DEAF1: variants seen among roughly 807,000 people sequenced by gnomAD.
DEAF1 encodes deformed epidermal autoregulatory factor 1 homolog.
DEAF1 carries 53 observed loss-of-function variants against 58.9 expected under a neutral mutation model. The ratio of observed to expected loss-of-function variants is 0.90; its 90% CI spans 0.72 to 1.13. DEAF1 has a LOEUF of 1.13. Ranked by LOEUF, DEAF1 falls within the 50% of genes most tolerant of loss-of-function variation. The probability of loss-of-function intolerance (pLI) is 0.00; values close to 1 mark genes in which losing one functional copy is unlikely to be tolerated. For synonymous variants in DEAF1, 385 were observed against 340.4 expected, an observed-to-expected ratio of 1.13 and a Z score of -1.44; for missense variants, 685 against 791.4, an observed-to-expected ratio of 0.87 and a Z score of 1.61.
chr11:703,585 C>A (rs1294795953), intron 1 of DEAF1: 11 of 1,233,280 alleles, frequency 8.9e-6, no homozygotes, highest in African/African-American at 6.2e-5. Context: ...TCTGAGATCC[C>A]AGTTTACTCC....
upstream of DEAF1, chr11:695,471 C>G (rs1861084338): frequency 1.6e-6 from 1 of 633,526 alleles, no homozygotes. Flanking sequence ...CGGCTCTAGG[C>G]AGATTCTCGC....
At chr11:678,650 C>G in intron 9 of DEAF1, 44 bp downstream of exon 9, 1 of 1,613,066 alleles carries the variant, frequency 6.2e-7, no homozygotes, top group Middle Eastern at 1.7e-4. Flanking sequence ...GGAAGCAATT[C>G]TGAGGACAAT....
intron 2 of DEAF1, 120 bp downstream of exon 2, chr11:691,381 T>TC (rs923507515): frequency 3.6e-5 from 33 of 919,136 alleles, no homozygotes; most frequent in Admixed American, 1.0e-4. Flanking sequence ...AGTGCGTCCC[T>TC]CCCCAGCTCA....
At chr11:669,251 C>T (rs993364473) in intron 10 of DEAF1, among the ~76,000 whole-genome samples, 1 of 151,446 alleles carries the variant, frequency 6.6e-6, no homozygotes, top group African/African-American at 2.4e-5. Context: ...CATGCCTGGC[C>T]GAAATAAATC....
intron 1 of DEAF1, chr11:703,522 AT>A (rs1163813056): frequency 1.6e-6 from 2 of 1,236,476 alleles, no homozygotes; most frequent in African/African-American, 3.1e-5. Context: ...CAGAGGCCTC[AT>A]CTCACTGCAT....
At chr11:683,803 C>A (rs1219440004) in intron 6 of DEAF1, among the ~76,000 whole-genome samples, 2 of 152,156 alleles carry the variant, frequency 1.3e-5, no homozygotes, top group African/African-American at 4.8e-5. Context: ...CTCTCTTCAG[C>A]ATTTTCTTTA....
chr11:682,206 C>G (rs983379128), intron 6 of DEAF1, among the ~76,000 whole-genome samples: 1 of 152,144 alleles, frequency 6.6e-6, no homozygotes, highest in African/African-American at 2.4e-5. Context: ...TTGGTGTAGT[C>G]AAGTGTCAGA....
At chr11:659,784 G>C (rs2133312992) in intron 10 of DEAF1, among the ~76,000 whole-genome samples, 1 of 152,354 alleles carries the variant, frequency 6.6e-6, no homozygotes, top group African/African-American at 2.4e-5. Context: ...TAATTCCACA[G>C]GCCCGGCCTC....
rs199996011 is a variant in DEAF1 at position 702,962 on chromosome 11, A to C, written c.-438+3610T>G. The C allele has an allele frequency of 5.8e-4, 927 of 1,609,298 alleles. 7 individuals are homozygous for C. Among genetic ancestry groups the C allele is most frequent in the Non-Finnish European group, 1.2e-4 (142 of 1,178,628 alleles). ...TTCTCCAGGCACCAGGGGCAACCTG[A>C]CAGAGGCTGAGAGGCCGCTGGCCGC... On this transcript the variant is annotated intron_variant, in intron 1 of 11. Coordinates refer to the DEAF1 transcript ENST00000683307.
chr11:653,947 G>A lies in DEAF1; in HGVS notation c.1593+15C>T, dbSNP rs200811344. On this transcript the variant is annotated intron_variant, in intron 11 of 11. Coordinates refer to ENST00000382409, the MANE Select transcript of DEAF1 (RefSeq NM_021008.4). ...AGGAGGCGGGGGCACTGAGCCTGGT[G>A]TAGGTGAGACCTACCTTGCGTTGGC... is the stretch of plus-strand genomic sequence containing the variant. The A allele has an allele frequency of 3.7e-6, 6 of 1,612,898 alleles. No individual in the cohort carries two copies. Among genetic ancestry groups the A allele is most frequent in the East Asian group, 2.2e-5 (1 of 44,878 alleles).
At chr11:672,540 A>C (rs1482867741) in intron 10 of DEAF1, among the ~76,000 whole-genome samples, 4 of 152,208 alleles carry the variant, frequency 2.6e-5, no homozygotes, top group Non-Finnish European at 5.9e-5. Flanking sequence ...AATGACAGAA[A>C]AATTTAAAAA....
At chr11:702,869 C>G in intron 1 of DEAF1, 1 of 1,422,920 alleles carries the variant, frequency 7.0e-7, no homozygotes. Context: ...TCCCAGCAGC[C>G]CTCCAGGCAC....
intron 10 of DEAF1, among the ~76,000 whole-genome samples, chr11:668,684 T>C (rs1589991170): frequency 6.6e-6 from 1 of 152,252 alleles, no homozygotes; most frequent in East Asian, 1.9e-4. Context: ...TAGCCAAGCA[T>C]GGTGGCACAT....
intron 2 of DEAF1, among the ~76,000 whole-genome samples, chr11:690,140 A>G (rs866781147): frequency 1.4e-5 from 2 of 141,822 alleles, no homozygotes; most frequent in African/African-American, 5.2e-5. Context: ...CCTGGACAAC[A>G]TGGGGAACCC....
intron 10 of DEAF1, among the ~76,000 whole-genome samples, chr11:654,354 A>G (rs959296871): frequency 1.3e-5 from 2 of 150,816 alleles, no homozygotes; most frequent in Middle Eastern, 3.4e-3. Context: ...TTTAGTAGAG[A>G]CAGGGTTTCA....
chr11:651,350 G>A, intron 11 of DEAF1: 1 of 321,882 alleles, frequency 3.1e-6, no homozygotes, highest in Admixed American at 3.9e-5. Context: ...TGACATGGGA[G>A]GATCGCCCGA....
chr11:679,462 C>T (rs1860240071), intron 8 of DEAF1, among the ~76,000 whole-genome samples: 1 of 152,220 alleles, frequency 6.6e-6, no homozygotes, highest in Non-Finnish European at 1.5e-5. Flanking sequence ...TTCAGCTTTG[C>T]CAGTTCTGGC....
chr11:675,744 T>C (rs1045760381), intron 9 of DEAF1, among the ~76,000 whole-genome samples: 4 of 151,996 alleles, frequency 2.6e-5, no homozygotes, highest in African/African-American at 9.7e-5. Context: ...CATTTGAACC[T>C]GGGAGGCAGA....
intron 9 of DEAF1, among the ~76,000 whole-genome samples, chr11:675,632 G>A (rs1860015062): frequency 6.6e-6 from 1 of 152,124 alleles, no homozygotes; most frequent in South Asian, 2.1e-4. Flanking sequence ...AGGCTAGCCT[G>A]GTCAACATGG....
Sources: allele counts gnomAD v4.1 joint callset (sites outside exome capture counted in the v4.1 genomes callset), GRCh38; gene constraint gnomAD v4.1.1; transcripts MANE v1.5; gene names NCBI Gene and HGNC (gene_info 2026-07-23, HGNC 2026-07-21).